Variants in CIB4 observed in about 807,000 individuals in gnomAD.
The protein encoded by CIB4 is calcium and integrin binding family member 4, also known as calcium and integrin-binding family member 4.
In CIB4, 25 loss-of-function variants were observed where a neutral mutation model predicts 25.8. The ratio of observed to expected loss-of-function variants is 0.97; its 90% CI spans 0.71 to 1.35. The LOEUF is 1.35. Ranked by LOEUF, CIB4 falls within the 40% of genes most tolerant of loss-of-function variation. The pLI, the probability that CIB4 is intolerant of heterozygous loss-of-function variation, is 0.00. For synonymous variants in CIB4, 75 were observed against 81.4 expected (o/e 0.92, Z 0.42); for missense variants, 235 against 228.2 (o/e 1.03, Z -0.19).
chr2:26,590,257 G>GT (rs1668560460), intron 4 of CIB4, among the ~76,000 whole-genome samples: 1 of 10,740 alleles, frequency 9.3e-5, no homozygotes, highest in African/African-American at 1.6e-4. Flanking sequence ...CCAAGCATCT[G>GT]TAAAAAAAAA....
At chr2:26,632,481 G>C (rs1282940400) in intron 2 of CIB4, among the ~76,000 whole-genome samples, 1 of 152,194 alleles carries the variant, frequency 6.6e-6, no homozygotes, top group African/African-American at 2.4e-5. Context: ...GGTAGGCCGG[G>C]TGCAGTGGCT....
intron 2 of CIB4, among the ~76,000 whole-genome samples, chr2:26,635,687 T>A (rs77047199): frequency 0.013 from 1,960 of 152,296 alleles, 51 homozygotes; most frequent in African/African-American, 0.044. Flanking sequence ...ACATCACAGC[T>A]GTCCCCTCAC....
rs981826018 is a variant in CIB4 at position 26,627,494 on chromosome 2, C to T, written c.186+1916G>A. Among the ~76,000 whole-genome samples the T allele has an allele frequency of 1.3e-5, 2 of 152,164 alleles. No individual in the cohort carries two copies. Among genetic ancestry groups the T allele is most frequent in the Admixed American group, 1.3e-4 (2 of 15,284 alleles). The stretch of plus-strand genomic sequence containing the variant: ...GGGGAGGGCAGAAGCTTCCCATCAG[C>T]CCTGCCTGTCTGGCTGGCCCTGACC... On this transcript the variant is annotated intron_variant, in intron 3 of 6. Coordinates refer to ENST00000288861, the MANE Select transcript of CIB4 (RefSeq NM_001029881.3). The surrounding 1 kb of genome is among the most constrained non-coding windows in gnomAD (Gnocchi z 4.0).
chr2:26,596,109 A>G (rs971841609), intron 3 of CIB4, among the ~76,000 whole-genome samples: 1 of 152,254 alleles, frequency 6.6e-6, no homozygotes, highest in Non-Finnish European at 1.5e-5. Context: ...TAAATAGTTA[A>G]ATAAAGGTAT....
At chr2:26,632,266 C>T (rs1261291585) in intron 2 of CIB4, among the ~76,000 whole-genome samples, 3 of 152,172 alleles carry the variant, frequency 2.0e-5, no homozygotes, top group Non-Finnish European at 2.9e-5. Context: ...ACCATGACTG[C>T]CGCCTTGGCC....
In CIB4 at chr2:26,581,297, G is replaced by T. The variant is rs2148184057; in HGVS notation, c.*66C>A. ...TCATACTTCAAACCAGCTCCCTCCAGTGCTGGAGGGGGTTCGATTCCTGTG... is the reference window on the plus strand; with the variant it reads ...TCATACTTCAAACCAGCTCCCTCCATTGCTGGAGGGGGTTCGATTCCTGTG... On this transcript the variant is annotated 3_prime_UTR_variant, in exon 7 of 7. Coordinates refer to ENST00000288861, the MANE Select transcript of CIB4 (RefSeq NM_001029881.3). The T allele has an allele frequency of 1.5e-6, 2 of 1,378,280 alleles. No individual in the cohort carries two copies. The highest frequency in any genetic ancestry group is 2.1e-6 in the Non-Finnish European group (2 of 965,388). 85.4% of individuals were successfully genotyped at this position (1,378,280 alleles called of 1,614,324 possible).
chr2:26,628,967 G>C (rs1248346887), intron 3 of CIB4, among the ~76,000 whole-genome samples: 5 of 152,176 alleles, frequency 3.3e-5, no homozygotes, highest in Admixed American at 6.5e-5. Context: ...TGGGGTCACT[G>C]GGGTGAGGGT....
rs1400469133 is a variant in CIB4 at position 26,600,132 on chromosome 2, T to C, written c.187-4815A>G. Among the ~76,000 whole-genome samples the C allele has an allele frequency of 1.4e-5, 2 of 142,100 alleles. 1 individual carries two copies. Among genetic ancestry groups the C allele is most frequent in the Non-Finnish European group, 3.0e-5 (2 of 65,834 alleles). The allele number at this position is 142,100 out of a possible 152,430, so 93.2% of individuals were successfully genotyped here. On this transcript the variant is annotated intron_variant, in intron 3 of 6. Coordinates refer to ENST00000288861, the MANE Select transcript of CIB4 (RefSeq NM_001029881.3). ...GACTGGGCGCAGTGGCTGCTAGGCATGGTGGCTCACTCCTGTAATCCCAGC... is the reference window on the plus strand; with the variant it reads ...GACTGGGCGCAGTGGCTGCTAGGCACGGTGGCTCACTCCTGTAATCCCAGC...
chr2:26,629,361 G>T, intron 3 of CIB4, 49 bp downstream of exon 3: 2 of 1,132,278 alleles, frequency 1.8e-6, no homozygotes, highest in East Asian at 2.6e-5. Context: ...CAGCCCATCA[G>T]CAGGTCCCAC....
At chr2:26,592,191 A>G (rs537162730) in intron 4 of CIB4, among the ~76,000 whole-genome samples, 9 of 152,374 alleles carry the variant, frequency 5.9e-5, no homozygotes, top group African/African-American at 2.2e-4. Flanking sequence ...ACTCTTGGCT[A>G]AGACAGAAAC....
chr2:26,604,454 T>C (rs538680526), intron 3 of CIB4, among the ~76,000 whole-genome samples: 32 of 152,046 alleles, frequency 2.1e-4, no homozygotes, highest in Admixed American at 5.9e-4. Context: ...GGAACAAAGA[T>C]AAAAATGACA....
chr2:26,623,916 G>A (rs1451858800), intron 3 of CIB4, among the ~76,000 whole-genome samples: 1 of 152,206 alleles, frequency 6.6e-6, no homozygotes. Flanking sequence ...CAGAAAGCAA[G>A]ATAATTATTT....
chr2:26,581,598 G>A (rs1033222315), intron 6 of CIB4, among the ~76,000 whole-genome samples: 1 of 152,198 alleles, frequency 6.6e-6, no homozygotes, highest in Non-Finnish European at 1.5e-5. Context: ...CAAAGGCAGG[G>A]CACCAGAAGG....
chr2:26,613,875 T>C (rs1432423366), intron 3 of CIB4, among the ~76,000 whole-genome samples: 2 of 152,134 alleles, frequency 1.3e-5, no homozygotes, highest in African/African-American at 4.8e-5. Flanking sequence ...TGCACCTGGG[T>C]GAATGTGTCC....
chr2:26,614,040 G>A (rs917498902), intron 3 of CIB4, among the ~76,000 whole-genome samples: 2 of 151,296 alleles, frequency 1.3e-5, no homozygotes, highest in Admixed American at 1.3e-4. Flanking sequence ...AGCAGGCCCA[G>A]GGCCTGCAGA....
intron 2 of CIB4, among the ~76,000 whole-genome samples, chr2:26,639,246 T>C (rs939016216): frequency 3.9e-5 from 6 of 152,032 alleles, no homozygotes; most frequent in African/African-American, 1.4e-4. Context: ...GTGCAGAACA[T>C]GCAGGTTTGT....
intron 2 of CIB4, among the ~76,000 whole-genome samples, chr2:26,632,013 G>A (rs1321996682): frequency 6.6e-6 from 1 of 152,200 alleles, no homozygotes; most frequent in Non-Finnish European, 1.5e-5. Context: ...AGATCCTGCT[G>A]AGTGTGCCAC....
intron 2 of CIB4, among the ~76,000 whole-genome samples, chr2:26,630,787 T>C (rs1669402281): frequency 6.6e-6 from 1 of 152,068 alleles, no homozygotes; most frequent in African/African-American, 2.4e-5. Flanking sequence ...CAGTGTTTGG[T>C]AGGTAAGAGT....
At chr2:26,598,551 A>C (rs1668723698) in intron 3 of CIB4, among the ~76,000 whole-genome samples, 1 of 152,152 alleles carries the variant, frequency 6.6e-6, no homozygotes, top group Non-Finnish European at 1.5e-5. Context: ...ACTGTCCCTG[A>C]GAGGATGGCA....
Sources: gnomAD v4.1 joint callset for allele counts (sites outside exome capture counted in the v4.1 genomes callset) on GRCh38, gnomAD v4.1.1 for gene constraint, Gnocchi (gnomAD v3.1) non-coding constraint, MANE v1.5 for transcripts, NCBI Gene and HGNC (gene_info 2026-07-23, HGNC 2026-07-21) for gene names.